The following PTPRE variants were observed in gnomAD, a reference collection of about 807,000 sequenced individuals.
PTPRE encodes receptor-type tyrosine-protein phosphatase epsilon.
A neutral mutation model predicts 102.0 loss-of-function variants in PTPRE; 51 were observed. The observed-to-expected ratio is 0.50, with a 90% CI of 0.40 to 0.63. PTPRE has a LOEUF of 0.63. Ranked by LOEUF, PTPRE falls within the 30% of genes least tolerant of loss-of-function variation. PTPRE has a pLI of 0.00. For synonymous variants in PTPRE, 345 were observed against 348.2 expected, an observed-to-expected ratio of 0.99 and a Z score of 0.10; for missense variants, 752 against 915.1, an observed-to-expected ratio of 0.82 and a Z score of 2.30.
intron 1 of PTPRE, among the ~76,000 whole-genome samples, chr10:127,981,223 A>G (rs1851583419): frequency 6.6e-6 from 1 of 152,254 alleles, no homozygotes; most frequent in Non-Finnish European, 1.5e-5. Flanking sequence ...GGCCACGTAT[A>G]GTGTGAGTCC....
At chr10:128,035,634 G>A (rs1053898243) in intron 2 of PTPRE, among the ~76,000 whole-genome samples, 2 of 152,212 alleles carry the variant, frequency 1.3e-5, no homozygotes, top group Non-Finnish European at 2.9e-5. Context: ...GTTTTGACCA[G>A]GTAGGTGATG....
intron 2 of PTPRE, among the ~76,000 whole-genome samples, chr10:128,005,277 C>T (rs1046101959): frequency 1.3e-5 from 2 of 152,182 alleles, no homozygotes; most frequent in Non-Finnish European, 2.9e-5. Context: ...AAAAACATTG[C>T]ATCATAAAGG....
intron 1 of PTPRE, among the ~76,000 whole-genome samples, chr10:127,926,799 G>A (rs1048400116): frequency 1.4e-5 from 2 of 141,276 alleles, no homozygotes; most frequent in Non-Finnish European, 3.1e-5. Context: ...GGGAAAGAGA[G>A]TTGTCTTTTT....
intron 7 of PTPRE, 125 bp from the exon 8 acceptor site, chr10:128,060,814 A>T: frequency 6.0e-6 from 5 of 827,846 alleles, no homozygotes; most frequent in Non-Finnish European, 1.0e-5. Context: ...TGTCGCTGTG[A>T]AGCTGCTTTT....
chr10:128,070,977 T>C lies in PTPRE; in HGVS notation c.1387+76T>C. The C allele has an allele frequency of 7.0e-7, 1 of 1,435,272 alleles. No individual in the cohort carries two copies. Among genetic ancestry groups the C allele is most frequent in the Non-Finnish European group, 9.7e-7 (1 of 1,028,636 alleles). The allele number at this position is 1,435,272 out of a possible 1,614,324, so 88.9% of individuals were successfully genotyped here. A position where few individuals can be genotyped will look rare whatever the true frequency, so the allele number is the denominator to read the frequency against. On this transcript the variant is annotated intron_variant, in intron 15 of 20. Coordinates refer to ENST00000254667, the MANE Select transcript of PTPRE (RefSeq NM_006504.6). This position sits in a 1 kb window ranked among gnomAD's most constrained non-coding sequence, Gnocchi z 4.8. ...GGAGGCTTTCATCCTGGAGAAGCCA[T>C]TGACCGCTTACCCCTGTGCACCAGG...
At chr10:128,079,749 T>C (rs1590257950) in intron 20 of PTPRE, 54 bp downstream of exon 20, 1 of 1,564,284 alleles carries the variant, frequency 6.4e-7, no homozygotes, top group Non-Finnish European at 8.8e-7. Context: ...TTTCATGTTG[T>C]ATTTGATGTA....
intron 1 of PTPRE, among the ~76,000 whole-genome samples, chr10:127,974,621 TA>T (rs1722256472): frequency 6.6e-6 from 1 of 152,248 alleles, no homozygotes; most frequent in Non-Finnish European, 1.5e-5. Context: ...GTATTTTTTT[TA>T]ATCTCTAAAT....
intron 1 of PTPRE, chr10:127,964,991 C>T: frequency 2.2e-6 from 1 of 456,678 alleles, no homozygotes; most frequent in Non-Finnish European, 4.4e-6. Flanking sequence ...TATTCTCCCA[C>T]TGACATGGTA....
Position 127,964,934 on chromosome 10 carries a change from G to A in PTPRE, c.-30-17340G>A, listed in dbSNP as rs778706271. 143 of 454,836 alleles carry A rather than the reference G, an allele frequency of 3.1e-4. 1 individual carries two copies. Among genetic ancestry groups the A allele is most frequent in the Middle Eastern group, 9.8e-4 (3 of 3,068 alleles). 28.2% of individuals were successfully genotyped at this position (454,836 alleles called of 1,614,324 possible). A position where few individuals can be genotyped will look rare whatever the true frequency, so the allele number is the denominator to read the frequency against. The stretch of plus-strand genomic sequence containing the variant: ...GGTCAGGGAGTTCCCTGGACCCCAC[G>A]GAAGAAGCTGTCTCCATGAAGGACA... On this transcript the variant is annotated intron_variant, in intron 1 of 20. Transcript: ENST00000254667.
intron 1 of PTPRE, among the ~76,000 whole-genome samples, chr10:127,945,078 A>G (rs1456629116): frequency 6.6e-6 from 1 of 152,168 alleles, no homozygotes; most frequent in East Asian, 1.9e-4. Flanking sequence ...TTATAAGCCT[A>G]TCTCCTTCAT....
intron 6 of PTPRE, 121 bp downstream of exon 6, chr10:128,049,787 C>A: frequency 7.3e-7 from 1 of 1,379,174 alleles, no homozygotes; most frequent in Non-Finnish European, 9.8e-7. Flanking sequence ...ATGACACTGT[C>A]CCATGAATGG....
At chr10:128,045,486 G>A (rs1009073568) in intron 3 of PTPRE, among the ~76,000 whole-genome samples, 3 of 152,178 alleles carry the variant, frequency 2.0e-5, no homozygotes, top group African/African-American at 2.4e-5. Flanking sequence ...CTGGGGCCCC[G>A]GGAGATGAGG....
chr10:127,993,892 C>T (rs528422317), intron 2 of PTPRE, among the ~76,000 whole-genome samples: 2 of 152,124 alleles, frequency 1.3e-5, no homozygotes, highest in South Asian at 4.1e-4. Context: ...CAGCCCCCAT[C>T]CTCCCTGTTG....
chr10:128,034,331 C>G (rs935471844), intron 2 of PTPRE, among the ~76,000 whole-genome samples: 7 of 151,784 alleles, frequency 4.6e-5, no homozygotes, highest in Admixed American at 1.3e-4. Context: ...CACCACCCCC[C>G]CCACCGACAC....
At chr10:127,938,897 C>G (rs961430590) in intron 1 of PTPRE, among the ~76,000 whole-genome samples, 5 of 152,082 alleles carry the variant, frequency 3.3e-5, no homozygotes, top group Admixed American at 3.3e-4. Context: ...GGGCGCTCTG[C>G]GTTGGAATCA....
intron 6 of PTPRE, among the ~76,000 whole-genome samples, chr10:128,055,183 C>T (rs924954366): frequency 1.3e-5 from 2 of 152,112 alleles, no homozygotes; most frequent in Non-Finnish European, 2.9e-5. Flanking sequence ...AGCCGCTGGT[C>T]GGGTGTAATG....
rs562971584 is a variant in PTPRE, at chr10:128,032,862, G to A, written c.-7-8013G>A. Among the ~76,000 whole-genome samples, 13 of 152,334 alleles carry A rather than the reference G, an allele frequency of 8.5e-5. No individual in the cohort carries two copies. In the East Asian group the frequency reaches 2.3e-3, roughly 27 times the overall value. ...TGGGCTTGGGCATTTATCATATGGT[G>A]TGAATCTGCAACTCTATTTAAATTA... On this transcript the variant is annotated intron_variant, in intron 2 of 20. Transcript: ENST00000254667.
intron 11 of PTPRE, among the ~76,000 whole-genome samples, chr10:128,067,114 G>C (rs984397576): frequency 7.3e-6 from 1 of 137,142 alleles, no homozygotes; most frequent in Non-Finnish European, 1.6e-5. Context: ...GCACACAACC[G>C]TACAATGCAT....
At chr10:128,012,830 G>A (rs967999080) in intron 2 of PTPRE, among the ~76,000 whole-genome samples, 10 of 152,168 alleles carry the variant, frequency 6.6e-5, no homozygotes, top group Non-Finnish European at 1.2e-4. Flanking sequence ...AGTTAGACTA[G>A]AAATCCCTGG....
Sources: gnomAD v4.1 joint callset for allele counts (sites outside exome capture counted in the v4.1 genomes callset) on GRCh38, gnomAD v4.1.1 for gene constraint, Gnocchi (gnomAD v3.1) non-coding constraint, MANE v1.5 for transcripts, NCBI Gene and HGNC (gene_info 2026-07-23, HGNC 2026-07-21) for gene names.